Variants in SPRED1 observed in about 807,000 individuals in gnomAD.
SPRED1 encodes sprouty-related, EVH1 domain-containing protein 1.
A neutral mutation model predicts 52.3 loss-of-function variants in SPRED1; 18 were observed. The observed-to-expected ratio is 0.34, with a 90% CI of 0.24 to 0.51. The LOEUF is 0.51. Ranked by LOEUF, SPRED1 falls within the 20% of genes least tolerant of loss-of-function variation. The pLI is 0.97. For synonymous variants in SPRED1, 155 were observed against 179.7 expected (o/e 0.86, Z 1.10); for missense variants, 485 against 551.0 (o/e 0.88, Z 1.20).
intron 4 of SPRED1, among the ~76,000 whole-genome samples, chr15:38,331,376 A>T (rs1481231558): frequency 6.6e-6 from 1 of 151,966 alleles, no homozygotes; most frequent in African/African-American, 2.4e-5. Flanking sequence ...GGCATTTCTC[A>T]CCACCTAATT....
chr15:38,318,131 A>G (rs1364063852), intron 2 of SPRED1, among the ~76,000 whole-genome samples: 3 of 152,044 alleles, frequency 2.0e-5, no homozygotes, highest in Admixed American at 6.6e-5. Context: ...CCTTTTTTCT[A>G]TTCCACTGCC....
At chr15:38,308,862 A>G (rs1174222643) in intron 2 of SPRED1, among the ~76,000 whole-genome samples, 1 of 152,134 alleles carries the variant, frequency 6.6e-6, no homozygotes, top group Non-Finnish European at 1.5e-5. Context: ...GCTGGGTTGT[A>G]TGGTAGTTGC....
chr15:38,289,125 A>G (rs11073314), intron 1 of SPRED1, among the ~76,000 whole-genome samples: 35,374 of 151,926 alleles, frequency 0.23, 4,306 homozygotes, highest in Middle Eastern at 0.33. Flanking sequence ...AAGTTTTGCC[A>G]TGATTCCTGA....
chr15:38,315,036 G>A (rs1354317071), intron 2 of SPRED1, among the ~76,000 whole-genome samples: 1 of 151,788 alleles, frequency 6.6e-6, no homozygotes, highest in Admixed American at 6.6e-5. Flanking sequence ...ACATGTATTT[G>A]ATAACATAAT....
chr15:38,351,407 A>G lies in SPRED1; in HGVS notation c.1078A>G (p.Lys360Glu), dbSNP rs374685699. The G allele has an allele frequency of 2.5e-6, 4 of 1,614,052 alleles. No individual in the cohort carries two copies. The African/African-American group carries it at 5.3e-5, about 22-fold the overall frequency. ...GKCQDAPDPI[K>E]RCIYQVSCML... Reference sequence around the variant, plus strand: ...ATGTCAGGATGCTCCAGACCCTATTAAAAGATGCATATATCAAGTTAGTTG... The same window carrying G: ...ATGTCAGGATGCTCCAGACCCTATTGAAAGATGCATATATCAAGTTAGTTG... Residue 360 changes from lysine (K) to glutamate (E), a missense_variant, in exon 7 of 7, where the codon AAA (lysine) becomes GAA (glutamate). Around this residue, in one of 5 missense-constraint regions of SPRED1, gnomAD observed 205 missense variants for 245.2 expected, o/e 0.84. Coordinates refer to ENST00000299084, the MANE Select transcript of SPRED1 (RefSeq NM_152594.3).
chr15:38,296,932 G>A (rs1391782950), intron 1 of SPRED1, among the ~76,000 whole-genome samples: 1 of 152,128 alleles, frequency 6.6e-6, no homozygotes, highest in Non-Finnish European at 1.5e-5. Flanking sequence ...TAAAAGAACT[G>A]AGGGTGCCCA....
At chr15:38,309,748 A>G (rs1416680518) in intron 2 of SPRED1, among the ~76,000 whole-genome samples, 1 of 152,094 alleles carries the variant, frequency 6.6e-6, no homozygotes, top group East Asian at 1.9e-4. Flanking sequence ...ATTTAAGCCC[A>G]TTGTCCATTT....
chr15:38,297,712 T>C (rs1895068159), intron 1 of SPRED1, among the ~76,000 whole-genome samples: 1 of 152,078 alleles, frequency 6.6e-6, no homozygotes, highest in Non-Finnish European at 1.5e-5. Flanking sequence ...ATTACCAGGA[T>C]GGTAGTGTCT....
intron 1 of SPRED1, among the ~76,000 whole-genome samples, chr15:38,299,155 A>T (rs2140978189): frequency 6.6e-6 from 1 of 152,310 alleles, no homozygotes; most frequent in Middle Eastern, 3.4e-3. Context: ...GTCTTTTATT[A>T]CAAGAGTAGT....
chr15:38,317,857 TAGAC>T (rs1895520506), intron 2 of SPRED1, among the ~76,000 whole-genome samples: 1 of 151,036 alleles, frequency 6.6e-6, no homozygotes, highest in South Asian at 2.1e-4. Context: ...AAGTTTGAAG[TAGAC>T]AGTTGGTATC....
At chr15:38,336,209 A>G (rs892769811) in intron 4 of SPRED1, among the ~76,000 whole-genome samples, 4 of 151,688 alleles carry the variant, frequency 2.6e-5, no homozygotes, top group African/African-American at 9.7e-5. Context: ...TTCCCTTATT[A>G]TGCCATGTTC....
intron 1 of SPRED1, among the ~76,000 whole-genome samples, chr15:38,278,595 AAATACCAG>A: frequency 6.6e-6 from 1 of 152,346 alleles, no homozygotes; most frequent in East Asian, 1.9e-4. Flanking sequence ...ACCCCTGACC[AAATACCAG>A]AATCTATGGA....
At chr15:38,328,058 T>A (rs953504415) in intron 4 of SPRED1, among the ~76,000 whole-genome samples, 3 of 152,208 alleles carry the variant, frequency 2.0e-5, no homozygotes, top group African/African-American at 7.2e-5. Flanking sequence ...TCTAGCTACT[T>A]TATTAGGAAT....
At chr15:38,278,906 C>A (rs911688994) in intron 1 of SPRED1, among the ~76,000 whole-genome samples, 1 of 145,140 alleles carries the variant, frequency 6.9e-6, no homozygotes, top group Admixed American at 7.3e-5. Flanking sequence ...TAGCTCACTG[C>A]AACCTCTGCC....
chr15:38,352,038 G>A lies in SPRED1; in HGVS notation c.*374G>A, dbSNP rs1888501331. ...ATTAGGACACGAACTAAAAATAAAAGTGCACTAGGGGACAGTTGATTTCAA... is the reference window on the plus strand; with the variant it reads ...ATTAGGACACGAACTAAAAATAAAAATGCACTAGGGGACAGTTGATTTCAA... On this transcript the variant is annotated 3_prime_UTR_variant, in exon 7 of 7. Transcript: ENST00000299084. The A allele has an allele frequency of 8.4e-6, 2 of 239,228 alleles. No individual in the cohort carries two copies. The highest frequency in any genetic ancestry group is 5.2e-5 in the Admixed American group (1 of 19,380). 14.8% of individuals were successfully genotyped at this position (239,228 alleles called of 1,614,324 possible).
rs1423183757 is a variant in SPRED1, at chr15:38,356,646, T to G, written c.*4982T>G. On this transcript the variant is annotated 3_prime_UTR_variant, in exon 7 of 7. Transcript: ENST00000299084. The stretch of plus-strand genomic sequence containing the variant: ...CATCCTTAATTGTATTCAGATTTTT[T>G]TTTAAGTCTCTAAGCTAATAATGTT... The G allele has an allele frequency of 6.6e-6, 1 of 152,130 alleles. No homozygotes were observed. Among genetic ancestry groups the G allele is most frequent in the Non-Finnish European group, 1.5e-5 (1 of 67,972 alleles). 9.4% of individuals were successfully genotyped at this position (152,130 alleles called of 1,614,324 possible). A position where few individuals can be genotyped will look rare whatever the true frequency, so the allele number is the denominator to read the frequency against.
chr15:38,348,910 C>T (rs1451406089), intron 5 of SPRED1, among the ~76,000 whole-genome samples: 2 of 152,064 alleles, frequency 1.3e-5, no homozygotes, highest in Admixed American at 1.3e-4. Context: ...ATATAATTCA[C>T]CTACCACAAA....
At chr15:38,300,330 A>T (rs1023061801) in intron 2 of SPRED1, among the ~76,000 whole-genome samples, 4 of 152,226 alleles carry the variant, frequency 2.6e-5, no homozygotes, top group African/African-American at 9.6e-5. Flanking sequence ...AGAAGAGCAT[A>T]CACTTAGACG....
intron 4 of SPRED1, among the ~76,000 whole-genome samples, chr15:38,338,297 TG>T (rs1895962285): frequency 8.1e-5 from 3 of 37,122 alleles, no homozygotes; most frequent in South Asian, 9.7e-4. Flanking sequence ...ATTTTTGTTT[TG>T]TTTTGTTTTT....
Sources: gnomAD v4.1 joint callset for allele counts (sites outside exome capture counted in the v4.1 genomes callset) on GRCh38, gnomAD v4.1.1 for gene constraint, gnomAD v4.1.1 regional missense constraint, MANE v1.5 for transcripts, NCBI Gene and HGNC (gene_info 2026-07-23, HGNC 2026-07-21) for gene names.